The following PSME4 variants were observed in gnomAD, a reference collection of about 807,000 sequenced individuals.
The protein encoded by PSME4 is proteasome activator complex subunit 4.
In PSME4, 89 loss-of-function variants were observed where a neutral mutation model predicts 253.9. The ratio of observed to expected loss-of-function variants is 0.35; its 90% confidence interval spans 0.30 to 0.42. The LOEUF is 0.42. Among genes scored for constraint, PSME4 ranks in the 10% least tolerant of loss-of-function variants. The pLI is 1.00. For synonymous variants in PSME4, 851 were observed against 759.2 expected, an observed-to-expected ratio of 1.12 and a Z score of -1.99; for missense variants, 2,014 against 2,195.2, an observed-to-expected ratio of 0.92 and a Z score of 1.65.
intron 41 of PSME4, among the ~76,000 whole-genome samples, chr2:53,882,118 A>G (rs201270313): frequency 6.6e-6 from 1 of 152,110 alleles, no homozygotes; most frequent in Non-Finnish European, 1.5e-5. Flanking sequence ...TTTTTAACAG[A>G]ACAGCCAATG....
chr2:53,924,819 CTG>C (rs1409618654), intron 14 of PSME4, among the ~76,000 whole-genome samples: 1 of 152,094 alleles, frequency 6.6e-6, no homozygotes, highest in Non-Finnish European at 1.5e-5. Context: ...TATAAATTTG[CTG>C]TGACCACTGA....
chr2:53,906,720 TA>T, intron 25 of PSME4, 27 bp from the exon 26 acceptor site: 1 of 1,593,880 alleles, frequency 6.3e-7, no homozygotes, highest in Non-Finnish European at 8.5e-7. Flanking sequence ...AAACATTTAC[TA>T]AAATTTGATT....
At chr2:53,937,621 G>A (rs1268982363) in intron 4 of PSME4, 81 bp from the exon 5 acceptor site, 1 of 1,319,892 alleles carries the variant, frequency 7.6e-7, no homozygotes, top group Non-Finnish European at 1.1e-6. Context: ...TGACCAAAAG[G>A]CTGGGGGAGG....
intron 1 of PSME4, among the ~76,000 whole-genome samples, chr2:53,960,376 G>A (rs1670428425): frequency 6.8e-6 from 1 of 146,098 alleles, no homozygotes; most frequent in South Asian, 2.1e-4. Flanking sequence ...TCCAGCCTGG[G>A]CAACAGAGCG....
intron 1 of PSME4, among the ~76,000 whole-genome samples, chr2:53,960,141 C>T (rs1345660990): frequency 2.0e-5 from 3 of 151,660 alleles, no homozygotes; most frequent in Admixed American, 1.3e-4. Context: ...GGCTCACGCC[C>T]GTAATCTCAG....
rs1558413353 is a variant in PSME4, at chr2:53,940,919, T to TATATATAATACATATTTAA, written c.501-920_501-919insTTAAATATGTATTATATAT. Among the ~76,000 whole-genome samples the TATATATAATACATATTTAA allele has an allele frequency of 3.5e-3, 212 of 60,178 alleles. 4 individuals are homozygous for TATATATAATACATATTTAA. The highest frequency in any genetic ancestry group is 6.1e-3 in the Non-Finnish European group (156 of 25,426). 39.5% of individuals were successfully genotyped at this position (60,178 alleles called of 152,430 possible). A position where few individuals can be genotyped will look rare whatever the true frequency, so the allele number is the denominator to read the frequency against. On this transcript the variant is annotated intron_variant, in intron 3 of 46. Transcript: ENST00000404125. ...TAAATATATATAATACATATTTAAA[T>TATATATAATACATATTTAA]ATATATATAATACATATATAAATAT...
At chr2:53,967,539 G>A (rs1163082330) in intron 1 of PSME4, among the ~76,000 whole-genome samples, 3 of 150,860 alleles carry the variant, frequency 2.0e-5, no homozygotes, top group Non-Finnish European at 4.4e-5. Context: ...CTACTCAGGA[G>A]GCTGAGGCAG....
chr2:53,894,827 C>T (rs1010391090), intron 34 of PSME4, among the ~76,000 whole-genome samples, 180 bp downstream of exon 34: 1 of 152,016 alleles, frequency 6.6e-6, no homozygotes, highest in Admixed American at 6.6e-5. Flanking sequence ...TGTCAACTGG[C>T]ACTAGTATGA....
intron 20 of PSME4, among the ~76,000 whole-genome samples, 187 bp from the exon 21 acceptor site, chr2:53,910,317 T>A (rs1490882765): frequency 6.6e-6 from 1 of 152,188 alleles, no homozygotes; most frequent in Non-Finnish European, 1.5e-5. Flanking sequence ...TCAGTAAGAA[T>A]CATGTTATTC....
chr2:53,967,934 T>C (rs139967339), intron 1 of PSME4, among the ~76,000 whole-genome samples: 2 of 152,024 alleles, frequency 1.3e-5, no homozygotes, highest in East Asian at 3.9e-4. Flanking sequence ...TTGACAGGAT[T>C]AAAAAAATAA....
At chr2:53,943,638 C>G (rs1250933001) in intron 3 of PSME4, among the ~76,000 whole-genome samples, 1 of 151,948 alleles carries the variant, frequency 6.6e-6, no homozygotes, top group African/African-American at 2.4e-5. Flanking sequence ...GTCCAGAGTT[C>G]AAGACCAGCC....
chr2:53,936,061 A>C (rs771060302), intron 7 of PSME4, 26 bp downstream of exon 7: 59 of 1,605,700 alleles, frequency 3.7e-5, no homozygotes, highest in Non-Finnish European at 5.0e-5. Context: ...ATGCCTGATA[A>C]TTTTTTTCCC....
intron 41 of PSME4, among the ~76,000 whole-genome samples, chr2:53,878,400 G>T (rs961452486): frequency 6.6e-6 from 1 of 152,110 alleles, no homozygotes; most frequent in African/African-American, 2.4e-5. Flanking sequence ...TGCACAAATT[G>T]TTTAAACAAT....
intron 1 of PSME4, 103 bp downstream of exon 1, chr2:53,970,440 G>C: frequency 6.6e-7 from 1 of 1,513,586 alleles, no homozygotes; most frequent in Non-Finnish European, 8.8e-7. Context: ...CTCCAGCGAG[G>C]ACAGAGCTAA....
chr2:53,901,659 T>C, intron 27 of PSME4, 100 bp from the exon 28 acceptor site: 1 of 869,828 alleles, frequency 1.1e-6, no homozygotes, highest in South Asian at 2.1e-5. Context: ...GAGTATTGAT[T>C]ACTTAAATGC....
intron 19 of PSME4, 27 bp downstream of exon 19, chr2:53,920,166 T>A: frequency 6.4e-7 from 1 of 1,565,768 alleles, no homozygotes; most frequent in Non-Finnish European, 8.7e-7. Context: ...TGCAACTGAA[T>A]AACTCTAATT....
At chr2:53,894,348 T>C (rs1680045426) in intron 34 of PSME4, among the ~76,000 whole-genome samples, 2 of 152,196 alleles carry the variant, frequency 1.3e-5, no homozygotes, top group South Asian at 4.1e-4. Context: ...CATGGCTCAT[T>C]GCAGTCTTGC....
chr2:53,965,110 C>T (rs1425431645), intron 1 of PSME4, among the ~76,000 whole-genome samples: 2 of 152,142 alleles, frequency 1.3e-5, no homozygotes, highest in African/African-American at 2.4e-5. Context: ...CAGACACACA[C>T]ACACACACAC....
intron 27 of PSME4, among the ~76,000 whole-genome samples, chr2:53,902,029 T>C (rs1197854560): frequency 6.6e-6 from 1 of 152,174 alleles, no homozygotes; most frequent in Non-Finnish European, 1.5e-5. Context: ...CCTGTGCCAC[T>C]GTACTCCAGC....
Sources: allele counts gnomAD v4.1 joint callset (sites outside exome capture counted in the v4.1 genomes callset), GRCh38; gene constraint gnomAD v4.1.1; transcripts MANE v1.5; gene names NCBI Gene and HGNC (gene_info 2026-07-23, HGNC 2026-07-21).